Variants in JAM2 observed in about 807,000 individuals in gnomAD.
JAM2 encodes junctional adhesion molecule B.
A neutral mutation model predicts 42.0 loss-of-function variants in JAM2; 17 were observed. The ratio of observed to expected loss-of-function variants is 0.40; its 90% CI spans 0.28 to 0.61. The LOEUF (loss-of-function observed/expected upper bound fraction) is 0.61. Ranked by LOEUF, JAM2 falls within the 20% of genes least tolerant of loss-of-function variation. The pLI is 0.37. For missense variants in JAM2, 319 were observed against 358.3 expected (o/e 0.89, Z 0.89); for synonymous variants, 118 against 128.6 (o/e 0.92, Z 0.56).
At chr21:25,666,185 TATC>T (rs1308411135) in intron 1 of JAM2, among the ~76,000 whole-genome samples, 1 of 151,936 alleles carries the variant, frequency 6.6e-6, no homozygotes, top group Non-Finnish European at 1.5e-5. Context: ...TTCAATTGTA[TATC>T]AACATTTTAA....
At chr21:25,640,803 TTTC>T (rs2032413090) in intron 1 of JAM2, among the ~76,000 whole-genome samples, 1 of 145,838 alleles carries the variant, frequency 6.9e-6, no homozygotes, top group Non-Finnish European at 1.5e-5. Context: ...TTCCTTTCTC[TTTC>T]TTCTTTCTTT....
At chr21:25,649,356 A>ATT (rs2032706189) in intron 1 of JAM2, among the ~76,000 whole-genome samples, 1 of 152,324 alleles carries the variant, frequency 6.6e-6, no homozygotes, top group Admixed American at 6.5e-5. Flanking sequence ...AAGCAAACAC[A>ATT]TTCTTCTTTA....
At chr21:25,675,898 T>G (rs1181914582) in intron 1 of JAM2, among the ~76,000 whole-genome samples, 1 of 152,170 alleles carries the variant, frequency 6.6e-6, no homozygotes, top group African/African-American at 2.4e-5. Flanking sequence ...TGGCCATAAA[T>G]TTTTATTTTT....
rs2033986464 is a variant in JAM2 at position 25,695,511 on chromosome 21, G to A, written c.394+1603G>A. 3.3e-5 allele frequency among the ~76,000 whole-genome samples: 5 copies of A among 152,252 alleles called. No individual in the cohort carries two copies. In the South Asian group the frequency reaches 1.0e-3, roughly 32 times the overall value. ...TTGGGTACACCTCCCAGACGGGGCG[G>A]CCGCGGGGCAGAGGGGCTCCTCACT... On this transcript the variant is annotated intron_variant, in intron 4 of 9. Coordinates refer to ENST00000480456, the MANE Select transcript of JAM2 (RefSeq NM_021219.4).
In JAM2 at chr21:25,706,047, C is replaced by G. The variant is rs201617935; in HGVS notation, c.766C>G (p.Leu256Val). 1 of 1,613,572 alleles carries G rather than the reference C, an allele frequency of 6.2e-7. No individual in the cohort carries two copies. Among genetic ancestry groups the G allele is most frequent in the Non-Finnish European group, 8.5e-7 (1 of 1,179,630 alleles). The change falls in exon 7 of 10, where the codon CTT (leucine) becomes GTT (valine). Residue 256 changes from leucine (L) to valine (V), a missense_variant. Coordinates refer to ENST00000480456, the MANE Select transcript of JAM2 (RefSeq NM_021219.4). ...GGCCTTAGTGATTTCCGTTTGTGGC[C>G]TTGGTGTATGCTATGCTCAGAGGAA... The part of the protein sequence containing the change: ...VVALVISVCG[L>V]GVCYAQRKGY...
intron 1 of JAM2, among the ~76,000 whole-genome samples, chr21:25,645,559 CT>C (rs1273266931): frequency 2.6e-5 from 4 of 152,126 alleles, no homozygotes; most frequent in African/African-American, 9.7e-5. Context: ...CAGGCAATTG[CT>C]TGTGTAAGTA....
At chr21:25,676,146 G>T (rs908716490) in intron 1 of JAM2, among the ~76,000 whole-genome samples, 1 of 151,858 alleles carries the variant, frequency 6.6e-6, no homozygotes. Context: ...AAATTAGCCA[G>T]GTGTGGTGGC....
intron 1 of JAM2, among the ~76,000 whole-genome samples, chr21:25,679,931 G>T (rs892939575): frequency 6.6e-6 from 1 of 152,070 alleles, no homozygotes; most frequent in Non-Finnish European, 1.5e-5. Flanking sequence ...AAATGCCACC[G>T]CTTACTTCTT....
At chr21:25,678,096 C>T (rs977464091) in intron 1 of JAM2, among the ~76,000 whole-genome samples, 3 of 152,054 alleles carry the variant, frequency 2.0e-5, no homozygotes, top group Admixed American at 2.0e-4. Flanking sequence ...TGTGGTGACG[C>T]ATGCCTGTAA....
intron 1 of JAM2, among the ~76,000 whole-genome samples, chr21:25,658,306 T>C (rs998058790): frequency 6.6e-6 from 1 of 152,100 alleles, no homozygotes; most frequent in Non-Finnish European, 1.5e-5. Flanking sequence ...TGGTATTTAA[T>C]TGAGAAGGAA....
At chr21:25,710,418 T>C (rs570144010) in intron 8 of JAM2, among the ~76,000 whole-genome samples, 1 of 152,222 alleles carries the variant, frequency 6.6e-6, no homozygotes, top group African/African-American at 2.4e-5. Context: ...AGGGCCATTA[T>C]GGAGAAAAAT....
chr21:25,695,958 G>A (rs1404748999), intron 4 of JAM2, among the ~76,000 whole-genome samples: 1 of 152,202 alleles, frequency 6.6e-6, no homozygotes, highest in African/African-American at 2.4e-5. Context: ...TGGCCAGGCA[G>A]AGACGCTCCT....
At chr21:25,680,176 G>A (rs1452095348) in intron 1 of JAM2, among the ~76,000 whole-genome samples, 2 of 152,198 alleles carry the variant, frequency 1.3e-5, no homozygotes, top group South Asian at 2.1e-4. Flanking sequence ...GAAAGCAGGT[G>A]TAATTTACTC....
chr21:25,678,896 C>T (rs1283591904), intron 1 of JAM2, among the ~76,000 whole-genome samples: 1 of 152,182 alleles, frequency 6.6e-6, no homozygotes, highest in East Asian at 1.9e-4. Context: ...AACGCCTGTG[C>T]TCAAGTGATC....
chr21:25,708,293 G>C (rs908974078), intron 7 of JAM2, among the ~76,000 whole-genome samples: 10 of 152,282 alleles, frequency 6.6e-5, no homozygotes, highest in African/African-American at 2.4e-4. Flanking sequence ...ACTGGGCTGG[G>C]TGTGGTGGCT....
At chr21:25,708,473 T>G (rs138893355) in intron 7 of JAM2, among the ~76,000 whole-genome samples, 14 of 152,094 alleles carry the variant, frequency 9.2e-5, no homozygotes, top group Non-Finnish European at 1.5e-4. Context: ...GAGGCTAAAG[T>G]AGGAGGATCG....
intron 1 of JAM2, among the ~76,000 whole-genome samples, chr21:25,657,642 GC>G (rs778933272): frequency 6.6e-6 from 1 of 152,100 alleles, no homozygotes; most frequent in Non-Finnish European, 1.5e-5. Context: ...AGTCAGTTCT[GC>G]CCTTAGTAAT....
At chr21:25,646,483 G>C (rs749150941) in intron 1 of JAM2, among the ~76,000 whole-genome samples, 9 of 152,062 alleles carry the variant, frequency 5.9e-5, no homozygotes, top group Non-Finnish European at 8.8e-5. Flanking sequence ...GTCACCCTTA[G>C]AATGGTCATT....
chr21:25,663,311 A>G (rs149782141), intron 1 of JAM2, among the ~76,000 whole-genome samples: 1 of 152,342 alleles, frequency 6.6e-6, no homozygotes, highest in Non-Finnish European at 1.5e-5. Flanking sequence ...AATATCAGAT[A>G]GTATTTTAAG....
Sources: gnomAD v4.1 joint callset for allele counts (sites outside exome capture counted in the v4.1 genomes callset) on GRCh38, gnomAD v4.1.1 for gene constraint, MANE v1.5 for transcripts, NCBI Gene and HGNC (gene_info 2026-07-23, HGNC 2026-07-21) for gene names.